DEK: variants seen among roughly 807,000 people sequenced by gnomAD.
The protein encoded by DEK is protein DEK.
A neutral mutation model predicts 46.8 loss-of-function variants in DEK; 28 were observed. The ratio of observed to expected loss-of-function variants is 0.60; its 90% CI spans 0.44 to 0.82. DEK has a LOEUF of 0.82. Among genes scored for constraint, DEK ranks in the 40% least tolerant of loss-of-function variants. The probability of loss-of-function intolerance (pLI) is 0.00; values close to 1 mark genes in which losing one functional copy is unlikely to be tolerated. For missense variants in DEK, 416 were observed against 430.6 expected, an observed-to-expected ratio of 0.97 and a Z score of 0.30; for synonymous variants, 160 against 144.5, an observed-to-expected ratio of 1.11 and a Z score of -0.77.
In DEK at chr6:18,255,740, A is replaced by C. The variant is rs145918002; in HGVS notation, c.564T>G (p.Pro188=). Residue 188 remains proline, a synonymous_variant, in exon 6 of 11, where the codon CCT becomes CCG. Coordinates refer to ENST00000652689, the MANE Select transcript of DEK (RefSeq NM_003472.4). ...AAAAATTGATCCTCACTTTGCCAGA[A>C]GGCTTTGGATGCATTAAGAAATTCA... ...RILNFLMHPK[P]SGKPLPKSKK... 9.9e-5 allele frequency: 159 copies of C among 1,598,614 alleles called. No homozygotes were observed. The highest frequency in any genetic ancestry group is 1.1e-4 in the Non-Finnish European group (128 of 1,176,248).
rs1231177081 is a variant in DEK at position 18,249,751 on chromosome 6, T to C, written c.662A>G (p.Lys221Arg). Reference protein sequence around the residue: ...SGMARKAKRTKCPEILSDESS... With the variant: ...SGMARKAKRTRCPEILSDESS... ...TTCATCTGACAGAATTTCAGGACAT[T>C]TGGTTCGCTTAGCCTTCCTTGCCAT... The change falls in exon 7 of 11, where the codon AAA becomes AGA. Residue 221 changes from lysine to arginine, a missense_variant. By Grantham distance (26) the Lys-to-Arg change is conservative. Coordinates refer to ENST00000652689, the MANE Select transcript of DEK (RefSeq NM_003472.4). 6.2e-7 allele frequency: 1 copy of C among 1,613,968 alleles called. No individual in the cohort carries two copies. Among genetic ancestry groups the C allele is most frequent in the African/African-American group, 1.3e-5 (1 of 74,930 alleles).
intron 6 of DEK, among the ~76,000 whole-genome samples, chr6:18,251,978 A>C (rs1218708738): frequency 6.6e-6 from 1 of 152,214 alleles, no homozygotes; most frequent in African/African-American, 2.4e-5. Flanking sequence ...AAAATCCAAA[A>C]AGTAGTAATA....
chr6:18,237,521 T>C lies in DEK; in HGVS notation c.763-5A>G. ...TTTGGCTGTCTTTTTTGGTGGCTGT[T>C]ACAAAAGAAAGTAAAAGTACACATA... On this transcript the variant is annotated splice_polypyrimidine_tract_variant and splice_region_variant and intron_variant, in intron 7 of 10. Coordinates refer to ENST00000652689, the MANE Select transcript of DEK (RefSeq NM_003472.4). 6.3e-7 allele frequency: 1 copy of C among 1,597,356 alleles called. No individual in the cohort carries two copies. The highest frequency in any genetic ancestry group is 8.5e-7 in the Non-Finnish European group (1 of 1,175,732).
intron 7 of DEK, among the ~76,000 whole-genome samples, chr6:18,238,217 G>A (rs1336072150): frequency 4.6e-5 from 7 of 151,896 alleles, no homozygotes; most frequent in South Asian, 2.1e-4. Context: ...AATAGTCTCT[G>A]GTATACAGTA....
Position 18,256,450 on chromosome 6 carries a change from G to C in DEK, c.363C>G (p.Ser121=). Residue 121 remains serine (S), a synonymous_variant, in exon 5 of 11, where the codon TCC becomes TCG. Coordinates refer to ENST00000652689, the MANE Select transcript of DEK (RefSeq NM_003472.4). The part of the protein sequence containing the change: ...KLLYNRPGTV[S]SLKKNVGQFS... ...ACTGACCCACATTCTTCTTTAATGA[G>C]GACACCTGAAAATGTTCCTTATTAT... 1 of 1,610,754 alleles carries C rather than the reference G, an allele frequency of 6.2e-7. No individual in the cohort carries two copies. The highest frequency in any genetic ancestry group is 8.5e-7 in the Non-Finnish European group (1 of 1,178,464).
intron 2 of DEK, 60 bp downstream of exon 2, chr6:18,263,783 G>GA: frequency 6.2e-7 from 1 of 1,609,846 alleles, no homozygotes; most frequent in Non-Finnish European, 8.5e-7. Flanking sequence ...TTTCCTGGGT[G>GA]AAAAATACAA....
At chr6:18,231,229 G>A (rs1790399906) in intron 9 of DEK, among the ~76,000 whole-genome samples, 1 of 152,104 alleles carries the variant, frequency 6.6e-6, no homozygotes, top group South Asian at 2.1e-4. Flanking sequence ...GTGTGTAGAG[G>A]GAAATTTATA....
At chr6:18,237,805 A>C (rs1052446933) in intron 7 of DEK, among the ~76,000 whole-genome samples, 4 of 151,902 alleles carry the variant, frequency 2.6e-5, no homozygotes, top group Non-Finnish European at 5.9e-5. Flanking sequence ...GGGGACCCCT[A>C]AATATAGATA....
At chr6:18,231,525 A>T (rs1179004745) in intron 9 of DEK, among the ~76,000 whole-genome samples, 1 of 152,224 alleles carries the variant, frequency 6.6e-6, no homozygotes. Context: ...AAAAAATGAT[A>T]AAGGGGATAT....
intron 6 of DEK, among the ~76,000 whole-genome samples, chr6:18,254,881 G>A (rs930198033): frequency 6.6e-6 from 1 of 152,150 alleles, no homozygotes; most frequent in African/African-American, 2.4e-5. Context: ...TTTAACTGCT[G>A]TTTATCTGTC....
chr6:18,225,768 TAAA>T, intron 10 of DEK, 38 bp from the exon 11 acceptor site: 2 of 1,611,158 alleles, frequency 1.2e-6, no homozygotes, highest in Non-Finnish European at 1.7e-6. Flanking sequence ...CCATAAATCA[TAAA>T]CCTTTATCCC....
intron 7 of DEK, among the ~76,000 whole-genome samples, chr6:18,248,297 T>G (rs75371490): frequency 1.5e-4 from 23 of 152,224 alleles, no homozygotes; most frequent in African/African-American, 5.1e-4. Context: ...ATGAAAAAAT[T>G]AGACATTTAT....
chr6:18,254,390 G>A (rs533662416), intron 6 of DEK, among the ~76,000 whole-genome samples: 2 of 152,126 alleles, frequency 1.3e-5, no homozygotes, highest in Non-Finnish European at 2.9e-5. Flanking sequence ...GAATGCAGAA[G>A]CAAATGGTAA....
chr6:18,235,335 T>C (rs1253118538), intron 9 of DEK, among the ~76,000 whole-genome samples: 1 of 152,196 alleles, frequency 6.6e-6, no homozygotes, highest in Admixed American at 6.5e-5. Flanking sequence ...TTTCCAATCC[T>C]AGTCTTGAGA....
At chr6:18,252,972 T>C (rs762748817) in intron 6 of DEK, among the ~76,000 whole-genome samples, 16 of 152,204 alleles carry the variant, frequency 1.1e-4, no homozygotes, top group Admixed American at 4.6e-4. Flanking sequence ...CTTTCTAATA[T>C]CTGTGACAAA....
intron 6 of DEK, among the ~76,000 whole-genome samples, chr6:18,253,268 G>C (rs1791470075): frequency 2.0e-5 from 3 of 152,164 alleles, no homozygotes; most frequent in African/African-American, 7.2e-5. Flanking sequence ...TTTCAAACAT[G>C]AACAAGGTGA....
At position 18,225,062 on chromosome 6, in the gene DEK, C is replaced by T. The variant is rs1355386393; in HGVS notation, c.*657G>A. 4.6e-6 allele frequency: 1 copy of T among 215,098 alleles called. No individual in the cohort carries two copies. 13.3% of individuals were successfully genotyped at this position (215,098 alleles called of 1,614,324 possible). A position where few individuals can be genotyped will look rare whatever the true frequency, so the allele number is the denominator to read the frequency against. Reference sequence around the variant, plus strand: ...TAGTCTACAACTATAAAGATACCTACCTATGTGAGTTTAAAAAGTGATCTG... The same window carrying T: ...TAGTCTACAACTATAAAGATACCTATCTATGTGAGTTTAAAAAGTGATCTG... On this transcript the variant is annotated 3_prime_UTR_variant, in exon 11 of 11. Coordinates refer to ENST00000652689, the MANE Select transcript of DEK (RefSeq NM_003472.4).
intron 9 of DEK, among the ~76,000 whole-genome samples, chr6:18,226,716 G>A (rs1790142694): frequency 6.6e-6 from 1 of 152,180 alleles, no homozygotes; most frequent in Non-Finnish European, 1.5e-5. Flanking sequence ...GGAGGTTGAG[G>A]TTGCAGTGAG....
chr6:18,260,663 T>C (rs1791817054), intron 2 of DEK, among the ~76,000 whole-genome samples: 1 of 152,118 alleles, frequency 6.6e-6, no homozygotes, highest in South Asian at 2.1e-4. Flanking sequence ...AAAGCCTGGG[T>C]GCCTGGGCAG....
Sources: gnomAD v4.1 joint callset for allele counts (sites outside exome capture counted in the v4.1 genomes callset) on GRCh38, gnomAD v4.1.1 for gene constraint, MANE v1.5 for transcripts, NCBI Gene and HGNC (gene_info 2026-07-23, HGNC 2026-07-21) for gene names.